Variants in CPVL observed in about 807,000 individuals in gnomAD.
CPVL encodes the protein probable serine carboxypeptidase CPVL.
A neutral mutation model predicts 63.7 loss-of-function variants in CPVL; 51 were observed. The observed-to-expected ratio is 0.80, with a 90% CI of 0.64 to 1.01. The LOEUF (loss-of-function observed/expected upper bound fraction) is 1.01. Among genes scored for constraint, CPVL ranks in the 50% least tolerant of loss-of-function variants. The pLI, the probability that CPVL is intolerant of heterozygous loss-of-function variation, is 0.00. For synonymous variants in CPVL, 195 were observed against 206.0 expected, an observed-to-expected ratio of 0.95 and a Z score of 0.46; for missense variants, 530 against 573.1, an observed-to-expected ratio of 0.92 and a Z score of 0.77.
chr7:29,182,594 A>G (rs1798197916), intron 4 of CPVL, among the ~76,000 whole-genome samples: 1 of 152,242 alleles, frequency 6.6e-6, no homozygotes, highest in Admixed American at 6.5e-5. Flanking sequence ...AAAACTTTAA[A>G]ATATCAATTC....
upstream of CPVL, among the ~76,000 whole-genome samples, chr7:29,149,716 C>G (rs886519277): frequency 6.6e-6 from 1 of 152,026 alleles, no homozygotes; most frequent in Non-Finnish European, 1.5e-5. Flanking sequence ...GATCCTTCCT[C>G]GCTGCTTCTA....
At chr7:29,036,686 A>G (rs937784167) in intron 11 of CPVL, among the ~76,000 whole-genome samples, 1 of 152,230 alleles carries the variant, frequency 6.6e-6, no homozygotes, top group Non-Finnish European at 1.5e-5. Context: ...CTAATTCTGA[A>G]GCCTGGAATT....
chr7:29,051,025 G>A lies in CPVL; in HGVS notation c.1137+13036C>T, dbSNP rs558051615. Among the ~76,000 whole-genome samples the A allele has an allele frequency of 4.6e-5, 7 of 152,274 alleles. No homozygotes were observed. The South Asian group carries it at 8.3e-4, about 18-fold the overall frequency. ...GAAAGGACACCCTTTTCAACAAATG[G>A]TGCTGGGATAATTGGCTAGCCACAT... On this transcript the variant is annotated intron_variant, in intron 11 of 12. Coordinates refer to ENST00000265394, the MANE Select transcript of CPVL (RefSeq NM_031311.5).
intron 6 of CPVL, among the ~76,000 whole-genome samples, chr7:29,090,201 A>G (rs1196732620): frequency 6.6e-6 from 1 of 151,994 alleles, no homozygotes; most frequent in Non-Finnish European, 1.5e-5. Context: ...AAAACCCCTC[A>G]CAGGCTAAGC....
chr7:29,053,526 A>T (rs1174372657), intron 11 of CPVL, among the ~76,000 whole-genome samples: 1 of 152,248 alleles, frequency 6.6e-6, no homozygotes, highest in African/African-American at 2.4e-5. Flanking sequence ...AATATCCAAA[A>T]TAGGCAAATC....
rs976837743 is a variant in CPVL, at chr7:29,154,599, C to T, written c.-11+26691G>A. The stretch of plus-strand genomic sequence containing the variant: ...CTGTAATCCCAGCACTTTGGGAGGC[C>T]GAGGCAGGCAGATTTCTTGAGGTCA... On this transcript the variant is annotated intron_variant, in intron 5 of 16. Coordinates refer to the CPVL transcript ENST00000409850. Among the ~76,000 whole-genome samples, 5 of 152,172 alleles carry T rather than the reference C, an allele frequency of 3.3e-5. No homozygotes were observed. In the South Asian group the frequency reaches 8.3e-4, roughly 25 times the overall value.
intron 1 of CPVL, among the ~76,000 whole-genome samples, chr7:29,135,610 G>T (rs1228287765): frequency 6.6e-6 from 1 of 152,112 alleles, no homozygotes; most frequent in Non-Finnish European, 1.5e-5. Context: ...TGGATTAGAG[G>T]TGTAAGCCAC....
chr7:29,050,063 GTTGAAAACAT>G (rs1789995549), intron 11 of CPVL, among the ~76,000 whole-genome samples: 1 of 152,094 alleles, frequency 6.6e-6, no homozygotes, highest in Non-Finnish European at 1.5e-5. Context: ...ATAGGGAAAA[GTTGAAAACAT>G]TCCCTCTGAG....
At chr7:29,037,628 T>C (rs1214377227) in intron 11 of CPVL, among the ~76,000 whole-genome samples, 1 of 150,618 alleles carries the variant, frequency 6.6e-6, no homozygotes, top group Non-Finnish European at 1.5e-5. Flanking sequence ...ATGATGCATG[T>C]GAAGCATGAT....
chr7:29,029,431 A>T (rs988201612), intron 12 of CPVL, among the ~76,000 whole-genome samples: 2 of 152,250 alleles, frequency 1.3e-5, no homozygotes, highest in African/African-American at 4.8e-5. Context: ...AATGGATTTT[A>T]AAAATGTGGC....
intron 9 of CPVL, among the ~76,000 whole-genome samples, chr7:29,068,678 T>C (rs1045672554): frequency 1.3e-5 from 2 of 150,888 alleles, no homozygotes; most frequent in Non-Finnish European, 1.5e-5. Flanking sequence ...GGAGGTGTCT[T>C]TTTCTTTTTT....
intron 12 of CPVL, among the ~76,000 whole-genome samples, chr7:29,007,555 A>G (rs1034960530): frequency 6.6e-6 from 1 of 152,208 alleles, no homozygotes; most frequent in Non-Finnish European, 1.5e-5. Context: ...TGTGTCCCAG[A>G]ATATTTCTCA....
upstream of CPVL, chr7:29,146,833 T>C: frequency 2.6e-6 from 4 of 1,550,726 alleles, no homozygotes; most frequent in Non-Finnish European, 3.5e-6. Flanking sequence ...ATTTTGAAAT[T>C]ATTTCTGCAC....
intron 5 of CPVL, among the ~76,000 whole-genome samples, chr7:29,161,214 C>CAT (rs1795133195): frequency 6.6e-6 from 1 of 152,128 alleles, no homozygotes; most frequent in South Asian, 2.1e-4. Flanking sequence ...TGTCTTAGCA[C>CAT]ATGAGGGTTT....
rs149613803 is a variant in CPVL at position 29,069,929 on chromosome 7, C to T, written c.864+1844G>A. ...ATTAAATCATTTTAAAGGATCAGAG[C>T]GTCAAACAGGCTTTATCATTTTAGG... On this transcript the variant is annotated intron_variant, in intron 9 of 12. Transcript: ENST00000265394. 8.5e-3 allele frequency among the ~76,000 whole-genome samples: 1,297 copies of T among 152,048 alleles called. 13 individuals are homozygous for T. The highest frequency in any genetic ancestry group is 0.026 in the African/African-American group (1,094 of 41,470).
intron 1 of CPVL, among the ~76,000 whole-genome samples, chr7:29,142,275 T>C (rs935280940): frequency 6.6e-6 from 1 of 152,226 alleles, no homozygotes; most frequent in African/African-American, 2.4e-5. Flanking sequence ...AAGGACTCCA[T>C]ATATTCAGAT....
chr7:29,093,245 C>T (rs532074745), intron 5 of CPVL, among the ~76,000 whole-genome samples: 39 of 151,994 alleles, frequency 2.6e-4, no homozygotes, highest in Non-Finnish European at 4.0e-4. Flanking sequence ...GGCATGATGG[C>T]GGGCACCTGT....
intron 6 of CPVL, among the ~76,000 whole-genome samples, chr7:29,087,423 C>CAAAA (rs56726137): frequency 6.3e-4 from 45 of 71,202 alleles, no homozygotes; most frequent in Middle Eastern, 8.1e-3. Context: ...GACTCTGTCT[C>CAAAA]AAAAAAAAAA....
chr7:29,111,090 T>C (rs779526165), intron 3 of CPVL, among the ~76,000 whole-genome samples: 1 of 152,236 alleles, frequency 6.6e-6, no homozygotes, highest in Non-Finnish European at 1.5e-5. Context: ...ATCTGCAGAA[T>C]TGTGAAATAA....
Sources: allele counts gnomAD v4.1 joint callset (sites outside exome capture counted in the v4.1 genomes callset), GRCh38; gene constraint gnomAD v4.1.1; transcripts MANE v1.5; gene names NCBI Gene and HGNC (gene_info 2026-07-23, HGNC 2026-07-21).